SLC35F1: variants seen among roughly 807,000 people sequenced by gnomAD.
SLC35F1 encodes chromosome 6 open reading frame 169.
SLC35F1 carries 14 observed loss-of-function variants against 48.7 expected under a neutral mutation model. That is an observed-to-expected ratio of 0.29 (90% CI 0.19 to 0.45). The LOEUF is 0.45. Ranked by LOEUF, SLC35F1 falls within the 20% of genes least tolerant of loss-of-function variation. SLC35F1 has a pLI of 1.00. For missense variants in SLC35F1, 404 were observed against 500.0 expected (o/e 0.81, Z 1.83); for synonymous variants, 190 against 202.2 (o/e 0.94, Z 0.51).
intron 3 of SLC35F1, among the ~76,000 whole-genome samples, chr6:118,259,770 G>T (rs1279414096): frequency 6.6e-6 from 1 of 151,976 alleles, no homozygotes; most frequent in Non-Finnish European, 1.5e-5. Context: ...GTACATTGCT[G>T]ATGTGATTGC....
At chr6:118,305,047 A>AGTGTGT (rs1562356999) in intron 7 of SLC35F1, among the ~76,000 whole-genome samples, 3 of 68,748 alleles carry the variant, frequency 4.4e-5, no homozygotes, top group Non-Finnish European at 9.8e-5. Context: ...AATCAACAGG[A>AGTGTGT]ATGTGTGTGT....
intron 1 of SLC35F1, among the ~76,000 whole-genome samples, chr6:117,947,734 C>T (rs1011989199): frequency 5.9e-5 from 9 of 151,980 alleles, no homozygotes; most frequent in African/African-American, 2.2e-4. Flanking sequence ...TGGGGGAGGA[C>T]CAGCAGTTCA....
intron 1 of SLC35F1, among the ~76,000 whole-genome samples, chr6:118,137,842 T>C (rs545430700): frequency 3.0e-4 from 45 of 152,222 alleles, no homozygotes; most frequent in African/African-American, 9.4e-4. Flanking sequence ...TGGGGAATCT[T>C]CCCCCAACTT....
intron 1 of SLC35F1, among the ~76,000 whole-genome samples, chr6:117,980,598 G>A (rs1776764703): frequency 6.6e-6 from 1 of 152,192 alleles, no homozygotes; most frequent in African/African-American, 2.4e-5. Flanking sequence ...TTGGCACTGT[G>A]TTGGCTGTTG....
intron 2 of SLC35F1, among the ~76,000 whole-genome samples, chr6:118,155,492 T>C (rs1344144380): frequency 6.6e-6 from 1 of 152,226 alleles, no homozygotes. Flanking sequence ...TCATGTGTGC[T>C]CTTGTGCCTG....
At chr6:117,980,929 A>T (rs969187748) in intron 1 of SLC35F1, among the ~76,000 whole-genome samples, 31 of 152,206 alleles carry the variant, frequency 2.0e-4, no homozygotes, top group African/African-American at 7.0e-4. Context: ...GATTGTAAGC[A>T]ATAAAGTGAC....
chr6:118,139,076 G>A (rs1196149692), intron 1 of SLC35F1, among the ~76,000 whole-genome samples: 1 of 152,092 alleles, frequency 6.6e-6, no homozygotes, highest in African/African-American at 2.4e-5. Context: ...AAACTTTAGG[G>A]CGTCAAGGGA....
chr6:118,158,612 G>C (rs1000843851), intron 2 of SLC35F1, among the ~76,000 whole-genome samples: 3 of 152,160 alleles, frequency 2.0e-5, no homozygotes, highest in Non-Finnish European at 4.4e-5. Flanking sequence ...CTAAATGCAA[G>C]AAACCTTTCA....
intron 1 of SLC35F1, among the ~76,000 whole-genome samples, chr6:118,005,358 G>T (rs762027157): frequency 6.6e-6 from 1 of 152,176 alleles, no homozygotes; most frequent in Non-Finnish European, 1.5e-5. Flanking sequence ...TTCTTTCAAT[G>T]AAACCACTGT....
At chr6:118,120,381 G>A (rs935250586) in intron 1 of SLC35F1, among the ~76,000 whole-genome samples, 4 of 152,134 alleles carry the variant, frequency 2.6e-5, no homozygotes, top group African/African-American at 9.7e-5. Flanking sequence ...GAGTAGATGA[G>A]AACATATGTT....
intron 2 of SLC35F1, among the ~76,000 whole-genome samples, chr6:118,189,286 T>G (rs1001024885): frequency 1.3e-5 from 2 of 152,174 alleles, no homozygotes; most frequent in East Asian, 1.9e-4. Context: ...TATCTCTTGT[T>G]TTCTTGATAA....
intron 2 of SLC35F1, among the ~76,000 whole-genome samples, chr6:118,218,371 A>T (rs1260210298): frequency 6.6e-6 from 1 of 152,000 alleles, no homozygotes; most frequent in Non-Finnish European, 1.5e-5. Context: ...GCAAAGCAGC[A>T]CTCTCCGTTG....
At chr6:118,112,853 A>T (rs1773428476) in intron 1 of SLC35F1, among the ~76,000 whole-genome samples, 1 of 152,186 alleles carries the variant, frequency 6.6e-6, no homozygotes, top group Non-Finnish European at 1.5e-5. Context: ...TACAAATATG[A>T]TCAATATCAA....
intron 2 of SLC35F1, among the ~76,000 whole-genome samples, chr6:118,186,965 T>TTCC (rs1774664528): frequency 6.6e-6 from 1 of 152,222 alleles, no homozygotes; most frequent in Non-Finnish European, 1.5e-5. Context: ...CTTCCAGAGA[T>TTCC]TCCTCTGTTT....
At chr6:118,167,906 C>A (rs529930372) in intron 2 of SLC35F1, among the ~76,000 whole-genome samples, 2 of 152,246 alleles carry the variant, frequency 1.3e-5, no homozygotes, top group African/African-American at 2.4e-5. Flanking sequence ...CATAACTGAA[C>A]CTCTCTATCA....
chr6:118,186,828 C>A (rs1191579098), intron 2 of SLC35F1, among the ~76,000 whole-genome samples: 1 of 152,192 alleles, frequency 6.6e-6, no homozygotes, highest in East Asian at 1.9e-4. Flanking sequence ...ACAGCTTTTC[C>A]TGTCTGATGA....
intron 3 of SLC35F1, among the ~76,000 whole-genome samples, chr6:118,243,416 A>G (rs2114594139): frequency 6.6e-6 from 1 of 152,282 alleles, no homozygotes; most frequent in African/African-American, 2.4e-5. Context: ...GAGTTTGGGG[A>G]AAGCCTGGGC....
chr6:118,275,532 A>C lies in SLC35F1; in HGVS notation c.711A>C (p.Glu237Asp). The C allele has an allele frequency of 6.2e-7, 1 of 1,614,014 alleles. No homozygotes were observed. The highest frequency in any genetic ancestry group is 8.5e-7 in the Non-Finnish European group (1 of 1,179,938). ...ATLYGISNVW[E>D]EYIIRTLSRV... ...TCTATGGTATTTCTAACGTCTGGGA[A>C]GAATACATCATCCGAACTCTGAGCC... Residue 237 changes from glutamate (E) to aspartate (D), a missense_variant, in exon 5 of 8, where the codon GAA becomes GAC. Glu to Asp is a conservative substitution (Grantham distance 45). Coordinates refer to ENST00000360388, the MANE Select transcript of SLC35F1 (RefSeq NM_001029858.4).
intron 2 of SLC35F1, among the ~76,000 whole-genome samples, chr6:118,234,484 A>C (rs1238954488): frequency 6.6e-6 from 1 of 152,176 alleles, no homozygotes; most frequent in African/African-American, 2.4e-5. Flanking sequence ...TGAGCTTGGA[A>C]GCAGGTCCCT....
Sources: gnomAD v4.1 joint callset for allele counts (sites outside exome capture counted in the v4.1 genomes callset) on GRCh38, gnomAD v4.1.1 for gene constraint, MANE v1.5 for transcripts, NCBI Gene and HGNC (gene_info 2026-07-23, HGNC 2026-07-21) for gene names.